UNC13C: variants seen among roughly 807,000 people sequenced by gnomAD.
UNC13C encodes the protein protein unc-13 homolog C.
A neutral mutation model predicts 245.4 loss-of-function variants in UNC13C; 174 were observed. The ratio of observed to expected loss-of-function variants is 0.71; its 90% CI spans 0.63 to 0.80. The LOEUF (loss-of-function observed/expected upper bound fraction) is 0.80, where lower values mean the gene tolerates loss of function less well. UNC13C is among the 30% of genes least tolerant of loss of function. The pLI, the probability that UNC13C is intolerant of heterozygous loss-of-function variation, is 0.00. For missense variants in UNC13C, 2,829 were observed against 2,602.9 expected (o/e 1.09, Z -1.89); for synonymous variants, 992 against 895.1 (o/e 1.11, Z -1.93).
intron 4 of UNC13C, among the ~76,000 whole-genome samples, chr15:54,167,602 G>GAAAAAAAAAAAAAAAAAAAAAAA (rs35210236): frequency 9.4e-5 from 6 of 63,572 alleles, no homozygotes; most frequent in East Asian, 5.5e-4. Context: ...ATCCAAATAG[G>GAAAAAAAAAAAAAAAAAAAAAAA]AAAAAAAAAA....
At chr15:54,422,374 A>G (rs550071209) in intron 19 of UNC13C, among the ~76,000 whole-genome samples, 5 of 152,130 alleles carry the variant, frequency 3.3e-5, no homozygotes, top group Admixed American at 6.6e-5. Flanking sequence ...CTTATGATCC[A>G]TTAGCTCATA....
chr15:54,084,281 A>G lies in UNC13C; in HGVS notation c.2984-58737A>G, dbSNP rs1899118031. Among the ~76,000 whole-genome samples, 2 of 152,092 alleles carry G rather than the reference A, an allele frequency of 1.3e-5. 1 individual carries two copies. The highest frequency in any genetic ancestry group is 4.1e-4 in the South Asian group (2 of 4,822). ...TCTTTCTACTCTCTTTCTATTGGTC[A>G]GTTGGATTTAAGTTCCTCGTGTATA... On this transcript the variant is annotated intron_variant, in intron 2 of 32. Coordinates refer to ENST00000260323, the MANE Select transcript of UNC13C (RefSeq NM_001080534.3).
chr15:54,261,046 A>C (rs1366592003), intron 8 of UNC13C, among the ~76,000 whole-genome samples: 7 of 152,130 alleles, frequency 4.6e-5, no homozygotes, highest in African/African-American at 1.7e-4. Context: ...CCATAATTAT[A>C]TTGTCTTATC....
chr15:54,562,681 G>A (rs909501787), intron 29 of UNC13C, among the ~76,000 whole-genome samples: 1 of 152,032 alleles, frequency 6.6e-6, no homozygotes, highest in East Asian at 1.9e-4. Context: ...AAATTATTCT[G>A]TTCCCTTTTC....
intron 7 of UNC13C, among the ~76,000 whole-genome samples, chr15:54,239,435 C>T (rs1359349391): frequency 6.6e-6 from 1 of 152,098 alleles, no homozygotes; most frequent in Non-Finnish European, 1.5e-5. Context: ...TTCTTTCTTT[C>T]TCTCTTTCAC....
At chr15:54,622,649 AACTT>A (rs373617322) in intron 31 of UNC13C, among the ~76,000 whole-genome samples, 3 of 152,294 alleles carry the variant, frequency 2.0e-5, no homozygotes, top group East Asian at 1.9e-4. Context: ...TAAATATCCA[AACTT>A]ACTTTATCAG....
chr15:54,014,857 G>A lies in UNC13C; in HGVS notation c.1954G>A (p.Glu652Lys), dbSNP rs766895907. The change falls in exon 2 of 33, where the codon GAG becomes AAG. Residue 652 changes from glutamate to lysine, a missense_variant. By Grantham distance (56) the Glu-to-Lys change is moderately conservative. Transcript: ENST00000260323. ...CAGTGATTCTCAGCTCTCTTTACAT[G>A]AGGATCTTTCTCCATGGAAGGAATG... ...HYSDSQLSLH[E>K]DLSPWKEWNQ... is the part of the protein sequence containing the mutation. 3 of 1,613,796 alleles carry A rather than the reference G, an allele frequency of 1.9e-6. No homozygotes were observed. Among genetic ancestry groups the A allele is most frequent in the South Asian group, 1.1e-5 (1 of 91,080 alleles).
chr15:54,481,500 C>T (rs1255880111), intron 19 of UNC13C, among the ~76,000 whole-genome samples: 2 of 152,142 alleles, frequency 1.3e-5, no homozygotes, highest in Admixed American at 6.5e-5. Context: ...TGTGTACCTG[C>T]AGTCGGCAGG....
intron 2 of UNC13C, among the ~76,000 whole-genome samples, chr15:54,088,324 C>T (rs183666104): frequency 6.7e-6 from 1 of 150,202 alleles, no homozygotes; most frequent in Admixed American, 6.7e-5. Context: ...CTTGTGTATC[C>T]TCTTCCAGTT....
intron 19 of UNC13C, among the ~76,000 whole-genome samples, chr15:54,488,109 G>A (rs750455489): frequency 6.6e-6 from 1 of 151,992 alleles, no homozygotes; most frequent in Non-Finnish European, 1.5e-5. Context: ...TAATTACATG[G>A]CTTACCATTC....
chr15:54,030,813 A>G (rs1195883240), intron 2 of UNC13C, among the ~76,000 whole-genome samples: 1 of 152,226 alleles, frequency 6.6e-6, no homozygotes, highest in Non-Finnish European at 1.5e-5. Flanking sequence ...AGAAGGAGGA[A>G]GTGCAAAAAG....
chr15:54,187,898 C>G (rs2034049265), intron 4 of UNC13C, among the ~76,000 whole-genome samples: 1 of 152,130 alleles, frequency 6.6e-6, no homozygotes, highest in African/African-American at 2.4e-5. Flanking sequence ...CAACCTCCAC[C>G]TCCCGGGTGC....
the UNC13C span, among the ~76,000 whole-genome samples, chr15:53,855,353 C>T: frequency 1.1e-4 from 16 of 152,016 alleles, no homozygotes; most frequent in East Asian, 1.9e-4. Flanking sequence ...TGGTTAGAGA[C>T]GGCATCCTTG....
intron 13 of UNC13C, among the ~76,000 whole-genome samples, chr15:54,303,599 A>G (rs2037645341): frequency 6.6e-6 from 1 of 150,808 alleles, no homozygotes; most frequent in South Asian, 2.1e-4. Flanking sequence ...CTTGCCTCTC[A>G]ATCTAAGTAA....
rs548783 is a variant in UNC13C at position 54,409,933 on chromosome 15, T to A, written c.4848-5049T>A. Among the ~76,000 whole-genome samples the A allele has an allele frequency of 7.0e-4, 106 of 152,350 alleles. No homozygotes were observed. The East Asian group carries it at 0.015, about 22-fold the overall frequency. ...GTTAAATGGTAGTTGTATTTTACGT[T>A]CTTTGAGAAATCTCCAAACTGTTTT... is the stretch of plus-strand genomic sequence containing the variant. On this transcript the variant is annotated intron_variant, in intron 18 of 32. Transcript: ENST00000260323.
chr15:54,206,027 CCT>C (rs1385115773), intron 4 of UNC13C, among the ~76,000 whole-genome samples: 9 of 151,906 alleles, frequency 5.9e-5, no homozygotes, highest in Admixed American at 6.6e-5. Context: ...TCAAGGATTT[CCT>C]CTCTTTAAAA....
the UNC13C span, among the ~76,000 whole-genome samples, chr15:53,894,151 C>G: frequency 6.6e-6 from 1 of 152,212 alleles, no homozygotes; most frequent in African/African-American, 2.4e-5. Context: ...TGCTTTGGCT[C>G]GCCCTCTGTG....
At chr15:54,463,210 C>T (rs796518917) in intron 19 of UNC13C, among the ~76,000 whole-genome samples, 12 of 130,168 alleles carry the variant, frequency 9.2e-5, no homozygotes, top group African/African-American at 2.9e-4. Context: ...AATCAGCTCT[C>T]AGTAAAATGG....
Position 54,015,038 on chromosome 15 carries a change from A to C in UNC13C, c.2135A>C (p.Tyr712Ser), listed in dbSNP as rs1406890425. The change falls in exon 2 of 33, where the codon TAC becomes TCC. Residue 712 changes from tyrosine (Y) to serine (S), a missense_variant. By Grantham distance (144) the Tyr-to-Ser change is moderately radical (BLOSUM62 -2). Transcript: ENST00000260323. ...GATCTTCAAGATGACTCAGAGAGCT[A>C]CGACTTAACTCAAGATGACAATTCT... ...HSDLQDDSES[Y>S]DLTQDDNSSP... is the part of the protein sequence containing the mutation. 1 of 1,613,220 alleles carries C rather than the reference A, an allele frequency of 6.2e-7. No homozygotes were observed. Among genetic ancestry groups the C allele is most frequent in the African/African-American group, 1.3e-5 (1 of 75,050 alleles).
Sources: gnomAD v4.1 joint callset for allele counts (sites outside exome capture counted in the v4.1 genomes callset) on GRCh38, gnomAD v4.1.1 for gene constraint, MANE v1.5 for transcripts, NCBI Gene and HGNC (gene_info 2026-07-23, HGNC 2026-07-21) for gene names.